Variants in SLC25A48 observed in about 807,000 individuals in gnomAD.
SLC25A48 encodes the protein solute carrier family 25 member 48.
A neutral mutation model predicts 32.2 loss-of-function variants in SLC25A48; 29 were observed. That is an observed-to-expected ratio of 0.90 (90% CI 0.67 to 1.23). The LOEUF (loss-of-function observed/expected upper bound fraction) is 1.23, where lower values mean the gene tolerates loss of function less well. Ranked by LOEUF, SLC25A48 falls within the 50% of genes most tolerant of loss-of-function variation. SLC25A48 has a pLI of 0.00. For missense variants in SLC25A48, 399 were observed against 422.7 expected, an observed-to-expected ratio of 0.94 and a Z score of 0.49; for synonymous variants, 164 against 172.3, an observed-to-expected ratio of 0.95 and a Z score of 0.38.
chr5:135,626,128 A>G (rs1278314570), intron 1 of SLC25A48, among the ~76,000 whole-genome samples: 1 of 152,216 alleles, frequency 6.6e-6, no homozygotes, highest in Non-Finnish European at 1.5e-5. Flanking sequence ...CGAGGCTGGG[A>G]CGCCAAGGGC....
intron 3 of SLC25A48, among the ~76,000 whole-genome samples, chr5:135,699,230 A>C (rs1754333688): frequency 1.3e-5 from 2 of 152,362 alleles, no homozygotes; most frequent in Admixed American, 6.5e-5. Flanking sequence ...GAATGTTTAT[A>C]GCAAACTTAT....
At chr5:135,763,722 C>T (rs896225413) in intron 3 of SLC25A48, among the ~76,000 whole-genome samples, 2 of 150,250 alleles carry the variant, frequency 1.3e-5, no homozygotes, top group African/African-American at 4.9e-5. Context: ...GGAGGTGGCT[C>T]CAAGCAGTGC....
intron 3 of SLC25A48, among the ~76,000 whole-genome samples, chr5:135,812,224 T>G (rs1041865537): frequency 5.3e-5 from 8 of 152,230 alleles, no homozygotes; most frequent in African/African-American, 1.9e-4. Flanking sequence ...CATGAGATAT[T>G]TTGATACAGG....
chr5:135,685,432 T>G (rs1222035550), intron 3 of SLC25A48, among the ~76,000 whole-genome samples: 1 of 28,754 alleles, frequency 3.5e-5, no homozygotes, highest in African/African-American at 8.3e-5. Context: ...ATGTAAGGAC[T>G]TTTTTTTTTT....
chr5:135,749,409 T>G (rs7732275), intron 3 of SLC25A48, among the ~76,000 whole-genome samples: 45,848 of 151,360 alleles, frequency 0.3, 7,088 homozygotes, highest in East Asian at 0.46. Context: ...ATCCCTAGTA[T>G]TGGGAGCAGA....
intron 3 of SLC25A48, among the ~76,000 whole-genome samples, chr5:135,773,549 C>A (rs1756471804): frequency 6.6e-6 from 1 of 150,630 alleles, no homozygotes; most frequent in Admixed American, 6.7e-5. Context: ...ACTGTGCGAT[C>A]CCCCCACCCT....
At chr5:135,753,991 G>T (rs1755833950) in intron 3 of SLC25A48, among the ~76,000 whole-genome samples, 1 of 151,800 alleles carries the variant, frequency 6.6e-6, no homozygotes, top group Non-Finnish European at 1.5e-5. Flanking sequence ...TGATATCACA[G>T]GGTGTACGCA....
intron 3 of SLC25A48, among the ~76,000 whole-genome samples, chr5:135,689,533 T>C (rs17168882): frequency 0.058 from 8,784 of 152,256 alleles, 806 homozygotes; most frequent in African/African-American, 0.19. Flanking sequence ...CAAGTTCAAA[T>C]GCTATATCAC....
At chr5:135,604,894 G>A (rs961652146) in intron 1 of SLC25A48, among the ~76,000 whole-genome samples, 2 of 152,154 alleles carry the variant, frequency 1.3e-5, no homozygotes, top group Non-Finnish European at 2.9e-5. Flanking sequence ...GTCCCTCAGC[G>A]TTTCCACCTG....
At chr5:135,793,155 C>T (rs12153176) in intron 3 of SLC25A48, among the ~76,000 whole-genome samples, 98,701 of 150,702 alleles carry the variant, frequency 0.65, 34,212 homozygotes, top group Non-Finnish European at 0.77. Context: ...TCGTAATATC[C>T]GGGGGAGATG....
intron 1 of SLC25A48, among the ~76,000 whole-genome samples, chr5:135,628,250 C>T (rs887739911): frequency 3.3e-5 from 5 of 152,322 alleles, no homozygotes; most frequent in South Asian, 2.1e-4. Flanking sequence ...AATTGCCCAT[C>T]TATGCCTTAG....
intron 3 of SLC25A48, among the ~76,000 whole-genome samples, chr5:135,751,164 T>A (rs1354587756): frequency 6.6e-6 from 1 of 152,228 alleles, no homozygotes; most frequent in Non-Finnish European, 1.5e-5. Context: ...TTGACACTGC[T>A]GAATTTGGGG....
chr5:135,790,578 G>C (rs1242906687), intron 3 of SLC25A48, among the ~76,000 whole-genome samples: 1 of 129,076 alleles, frequency 7.7e-6, no homozygotes, highest in Non-Finnish European at 1.7e-5. Context: ...GTCACAGTGG[G>C]TGTACACCAT....
chr5:135,652,899 A>G (rs965492312), intron 3 of SLC25A48, among the ~76,000 whole-genome samples: 7 of 152,206 alleles, frequency 4.6e-5, no homozygotes, highest in Non-Finnish European at 4.4e-5. Context: ...CAGAAATTTC[A>G]TCTCCAATGC....
At chr5:135,758,362 A>G (rs1241522327) in intron 3 of SLC25A48, among the ~76,000 whole-genome samples, 1 of 150,770 alleles carries the variant, frequency 6.6e-6, no homozygotes, top group East Asian at 2.0e-4. Flanking sequence ...GATATCTACA[A>G]TATCTCTAGT....
intron 3 of SLC25A48, among the ~76,000 whole-genome samples, chr5:135,636,724 G>A (rs188363648): frequency 1.6e-4 from 24 of 152,326 alleles, no homozygotes; most frequent in Admixed American, 1.4e-3. Flanking sequence ...ATCATCTGTA[G>A]CAACTGCATG....
At chr5:135,680,137 G>A (rs959735425) in intron 3 of SLC25A48, among the ~76,000 whole-genome samples, 1 of 152,254 alleles carries the variant, frequency 6.6e-6, no homozygotes, top group East Asian at 1.9e-4. Flanking sequence ...GAATTCAAGT[G>A]TTCTTTCTTA....
rs1291995116 is a variant in SLC25A48, at chr5:135,886,671, TGTGAGAGAGA to T, written c.*8-1359_*8-1350del. On this transcript the variant is annotated intron_variant, in intron 7 of 7. Coordinates refer to ENST00000681962, the MANE Select transcript of SLC25A48 (RefSeq NM_001349336.2). ...ATATGTGTGTGTGTGTGTGTGTGTG[TGTGAGAGAGA>T]GAGAGAGAGAGAGAGAGAGAGTGTG... Among the ~76,000 whole-genome samples the T allele has an allele frequency of 8.6e-3, 845 of 98,654 alleles. 35 individuals are homozygous for T. The highest frequency in any genetic ancestry group is 0.035 in the African/African-American group (784 of 22,602). The allele number at this position is 98,654 out of a possible 152,430, so 64.7% of individuals were successfully genotyped here. A position where few individuals can be genotyped will look rare whatever the true frequency, so the allele number is the denominator to read the frequency against.
intron 3 of SLC25A48, among the ~76,000 whole-genome samples, chr5:135,688,783 G>A (rs4976318): frequency 0.51 from 77,244 of 151,846 alleles, 20,907 homozygotes; most frequent in South Asian, 0.61. Context: ...ATTGTACAAT[G>A]GAGAGATGCT....
Sources: allele counts gnomAD v4.1 joint callset (sites outside exome capture counted in the v4.1 genomes callset), GRCh38; gene constraint gnomAD v4.1.1; transcripts MANE v1.5; gene names NCBI Gene and HGNC (gene_info 2026-07-23, HGNC 2026-07-21).